PRTG: variants seen among roughly 807,000 people sequenced by gnomAD.
PRTG encodes immunoglobulin superfamily, DCC subclass, member 5.
PRTG carries 67 observed loss-of-function variants against 122.5 expected under a neutral mutation model. The ratio of observed to expected loss-of-function variants is 0.55; its 90% CI spans 0.45 to 0.67. The LOEUF is 0.67. PRTG is among the 30% of genes least tolerant of loss of function. The pLI, the probability that PRTG is intolerant of heterozygous loss-of-function variation, is 0.00. For missense variants in PRTG, 1,435 were observed against 1,415.4 expected, an observed-to-expected ratio of 1.01 and a Z score of -0.22; for synonymous variants, 554 against 501.1, an observed-to-expected ratio of 1.11 and a Z score of -1.41.
At chr15:55,707,429 T>C (rs2030175128) in intron 2 of PRTG, among the ~76,000 whole-genome samples, 2 of 152,242 alleles carry the variant, frequency 1.3e-5, no homozygotes, top group African/African-American at 2.4e-5. Context: ...TCTATGCCTG[T>C]TAAAGGTCTT....
At position 55,620,095 on chromosome 15, in the gene PRTG, C is replaced by G; in HGVS notation, c.3370G>C (p.Gly1124Arg). The G allele has an allele frequency of 6.2e-7, 1 of 1,614,182 alleles. No homozygotes were observed. Among genetic ancestry groups the G allele is most frequent in the Non-Finnish European group, 8.5e-7 (1 of 1,180,030 alleles). ...SANSEGSHETGDSGRFSHESN... is the reference protein window; with the variant it reads ...SANSEGSHETRDSGRFSHESN... Reference sequence around the variant, plus strand: ...TCATGAGAAAACCGCCCAGAATCCCCAGTCTCATGGCTGCCTTCACTATTT... The same window carrying G: ...TCATGAGAAAACCGCCCAGAATCCCGAGTCTCATGGCTGCCTTCACTATTT... The change falls in exon 20 of 20, where the codon GGG (glycine) becomes CGG (arginine). Residue 1124 changes from glycine (G) to arginine (R), a missense_variant. Gly to Arg is a moderately radical substitution (Grantham distance 125). Transcript: ENST00000389286.
chr15:55,691,757 T>C (rs2059603824), intron 2 of PRTG, among the ~76,000 whole-genome samples: 1 of 151,882 alleles, frequency 6.6e-6, no homozygotes, highest in Non-Finnish European at 1.5e-5. Flanking sequence ...CTCTGTGTAC[T>C]GGAAGTTCAA....
Position 55,637,411 on chromosome 15 carries a change from T to C in PRTG, c.2453-71A>G, listed in dbSNP as rs899986792. The stretch of plus-strand genomic sequence containing the variant: ...CATAAATACTCAAATACCTGGCTTA[T>C]AGGCTTAGAAAAAAGTTCAAAAAAT... On this transcript the variant is annotated intron_variant, in intron 14 of 19. Transcript: ENST00000389286. 67 of 1,333,872 alleles carry C rather than the reference T, an allele frequency of 5.0e-5. No individual in the cohort carries two copies. The East Asian group carries it at 1.3e-3, about 25-fold the overall frequency. 82.6% of individuals were successfully genotyped at this position (1,333,872 alleles called of 1,614,324 possible). A position where few individuals can be genotyped will look rare whatever the true frequency, so the allele number is the denominator to read the frequency against.
At position 55,743,013 on chromosome 15, in the gene PRTG, C is replaced by G; in HGVS notation, c.-82G>C. On this transcript the variant is annotated 5_prime_UTR_variant, in exon 1 of 20. Coordinates refer to ENST00000389286, the MANE Select transcript of PRTG (RefSeq NM_173814.6). ...GCCCCCGCCCCGGGCGCTCTCTGCT[C>G]TGCGGCTGGTCGCACGCAGCCTGGC... 1 of 1,352,458 alleles carries G rather than the reference C, an allele frequency of 7.4e-7. No individual in the cohort carries two copies. The highest frequency in any genetic ancestry group is 1.8e-5 in the South Asian group (1 of 54,794). 83.8% of individuals were successfully genotyped at this position (1,352,458 alleles called of 1,614,324 possible).
intron 11 of PRTG, among the ~76,000 whole-genome samples, chr15:55,664,651 C>T (rs2059428673): frequency 6.6e-6 from 1 of 151,980 alleles, no homozygotes; most frequent in Non-Finnish European, 1.5e-5. Flanking sequence ...TGCAGTGATG[C>T]AAATGGCTCG....
At chr15:55,704,446 G>T (rs1161558972) in intron 2 of PRTG, among the ~76,000 whole-genome samples, 2 of 152,090 alleles carry the variant, frequency 1.3e-5, no homozygotes, top group Non-Finnish European at 2.9e-5. Context: ...TTTACAAATG[G>T]TTATTTCAAG....
intron 2 of PRTG, among the ~76,000 whole-genome samples, chr15:55,720,111 G>T (rs1243000886): frequency 6.6e-6 from 1 of 150,650 alleles, no homozygotes; most frequent in East Asian, 2.0e-4. Context: ...AGGCATGGTG[G>T]CTCACACCTG....
At chr15:55,647,838 C>T (rs915514168) in intron 11 of PRTG, among the ~76,000 whole-genome samples, 4 of 152,200 alleles carry the variant, frequency 2.6e-5, no homozygotes. Context: ...TTGGCAAATA[C>T]TGAAGCTCAG....
intron 11 of PRTG, among the ~76,000 whole-genome samples, chr15:55,661,916 T>G (rs534347464): frequency 6.8e-6 from 1 of 148,104 alleles, no homozygotes; most frequent in Non-Finnish European, 1.5e-5. Context: ...AAAAGAGGAG[T>G]AGCTGTGTAT....
intron 7 of PRTG, 78 bp downstream of exon 7, chr15:55,679,205 ATAT>A (rs1321501092): frequency 8.2e-6 from 7 of 853,098 alleles, no homozygotes; most frequent in Middle Eastern, 2.4e-4. Flanking sequence ...TAGGTATTTG[ATAT>A]TATTATAACC....
chr15:55,667,049 C>A (rs1469310322), intron 11 of PRTG, among the ~76,000 whole-genome samples: 1 of 152,018 alleles, frequency 6.6e-6, no homozygotes, highest in African/African-American at 2.4e-5. Context: ...TGACTGACAC[C>A]ATTTAGAGTC....
intron 2 of PRTG, among the ~76,000 whole-genome samples, chr15:55,729,466 T>G: frequency 6.6e-6 from 1 of 152,088 alleles, no homozygotes; most frequent in Non-Finnish European, 1.5e-5. Flanking sequence ...CCCACTGAAC[T>G]CTATACTTTA....
chr15:55,728,095 A>C (rs2031100176), intron 2 of PRTG, among the ~76,000 whole-genome samples: 1 of 152,008 alleles, frequency 6.6e-6, no homozygotes, highest in African/African-American at 2.4e-5. Flanking sequence ...CAAACTTCTG[A>C]GCTCAGGCAA....
chr15:55,647,893 C>G (rs2059332804), intron 11 of PRTG, among the ~76,000 whole-genome samples: 1 of 152,188 alleles, frequency 6.6e-6, no homozygotes, highest in South Asian at 2.1e-4. Flanking sequence ...GTGTATAGAG[C>G]AGGCAGACAA....
At position 55,624,558 on chromosome 15, in the gene PRTG, G is replaced by A. The variant is rs374380817; in HGVS notation, c.2928-51C>T. 21 of 1,518,342 alleles carry A rather than the reference G, an allele frequency of 1.4e-5. No individual in the cohort carries two copies. The African/African-American group carries it at 2.2e-4, about 16-fold the overall frequency. The allele number at this position is 1,518,342 out of a possible 1,614,324, so 94.1% of individuals were successfully genotyped here. A position where few individuals can be genotyped will look rare whatever the true frequency, so the allele number is the denominator to read the frequency against. On this transcript the variant is annotated intron_variant, in intron 17 of 19. Transcript: ENST00000389286. ...TCTTCTAATTTCATAGAAGATGCAGGCAAATGAACCACCTGGCCTATCAAC... is the reference window on the plus strand; with the variant it reads ...TCTTCTAATTTCATAGAAGATGCAGACAAATGAACCACCTGGCCTATCAAC...
chr15:55,622,959 A>G (rs2059175089), intron 18 of PRTG, among the ~76,000 whole-genome samples: 1 of 152,236 alleles, frequency 6.6e-6, no homozygotes, highest in South Asian at 2.1e-4. Context: ...GCAAACAAAA[A>G]AAAGAGAAAT....
At chr15:55,634,365 G>A (rs538976053) in intron 15 of PRTG, among the ~76,000 whole-genome samples, 1 of 152,006 alleles carries the variant, frequency 6.6e-6, no homozygotes, top group Non-Finnish European at 1.5e-5. Flanking sequence ...ACTGCACCTG[G>A]CTCTATACTG....
chr15:55,638,959 T>A (rs568643869), intron 13 of PRTG, among the ~76,000 whole-genome samples: 31 of 65,220 alleles, frequency 4.8e-4, no homozygotes, highest in African/African-American at 1.6e-3. Flanking sequence ...AGTCAAATCA[T>A]TCATTCATTC....
At chr15:55,730,120 G>A (rs1190167082) in intron 2 of PRTG, among the ~76,000 whole-genome samples, 1 of 150,924 alleles carries the variant, frequency 6.6e-6, no homozygotes, top group Admixed American at 6.6e-5. Context: ...CTTTTTTTTT[G>A]AGATGGGGTT....
Sources: gnomAD v4.1 joint callset for allele counts (sites outside exome capture counted in the v4.1 genomes callset) on GRCh38, gnomAD v4.1.1 for gene constraint, MANE v1.5 for transcripts, NCBI Gene and HGNC (gene_info 2026-07-23, HGNC 2026-07-21) for gene names.